The following DMD variants were observed in gnomAD, a reference collection of about 807,000 sequenced individuals.
DMD encodes the protein dystrophin, also known as mutant dystrophin.
DMD carries 63 observed loss-of-function variants against 330.1 expected under a neutral mutation model. The ratio of observed to expected loss-of-function variants is 0.19; its 90% CI spans 0.16 to 0.24. DMD has a LOEUF of 0.24. DMD is among the 10% of genes least tolerant of loss of function. The pLI, the probability that DMD is intolerant of heterozygous loss-of-function variation, is 1.00. For synonymous variants in DMD, 1,223 were observed against 959.8 expected (o/e 1.27, Z -5.07); for missense variants, 3,344 against 2,684.1 (o/e 1.25, Z -5.43).
chrX:33,320,667 A>G (rs2054002398), intron 1 of DMD, among the ~76,000 whole-genome samples: 1 of 111,993 alleles, frequency 8.9e-6, no homozygotes, highest in African/African-American at 3.2e-5. Flanking sequence ...GTAAAATAAG[A>G]CAACAATGAA....
intron 17 of DMD, among the ~76,000 whole-genome samples, chrX:32,537,563 A>G (rs758399635): frequency 7.1e-4 from 79 of 111,309 alleles, no homozygotes; most frequent in Non-Finnish European, 1.3e-3. Context: ...AGGGAAAAGA[A>G]CTGAAGAGTG....
At chrX:31,730,463 G>C (rs1341229442) in intron 51 of DMD, among the ~76,000 whole-genome samples, 3 of 111,502 alleles carry the variant, frequency 2.7e-5, no homozygotes, top group Non-Finnish European at 3.8e-5. Flanking sequence ...CTTTAATATA[G>C]CACTATTTTA....
At chrX:31,952,319 C>A (rs1479785743) in intron 45 of DMD, among the ~76,000 whole-genome samples, 1 of 111,145 alleles carries the variant, frequency 9.0e-6, no homozygotes, top group African/African-American at 3.3e-5. Flanking sequence ...TTTTCTGGAA[C>A]TCTTGTAACA....
chrX:33,172,714 T>C (rs2049422456), intron 1 of DMD, among the ~76,000 whole-genome samples: 1 of 112,117 alleles, frequency 8.9e-6, no homozygotes, highest in African/African-American at 3.2e-5. Context: ...TAGGAGGAAG[T>C]ATTTCACCAG....
intron 55 of DMD, among the ~76,000 whole-genome samples, chrX:31,610,896 G>A (rs2077876415): frequency 9.0e-6 from 1 of 111,235 alleles, no homozygotes; most frequent in South Asian, 3.8e-4. Context: ...GCCTTTAGGT[G>A]TCATCTGGCT....
chrX:31,920,767 G>A (rs1474825139), intron 47 of DMD, among the ~76,000 whole-genome samples: 2 of 111,643 alleles, frequency 1.8e-5, no homozygotes, highest in African/African-American at 3.3e-5. Context: ...AAGAATAGTC[G>A]AATTTGTTTT....
intron 52 of DMD, among the ~76,000 whole-genome samples, chrX:31,685,035 C>T (rs1374426913): frequency 8.9e-6 from 1 of 111,804 alleles, no homozygotes; most frequent in Non-Finnish European, 1.9e-5. Context: ...GGACTTTGAT[C>T]CTGCTTAAAG....
At chrX:33,012,434 G>A (rs762410015) in intron 2 of DMD, among the ~76,000 whole-genome samples, 7 of 111,710 alleles carry the variant, frequency 6.3e-5, no homozygotes, top group Non-Finnish European at 1.1e-4. Flanking sequence ...TTGTTTATGA[G>A]TAGTAGAAAT....
At chrX:31,209,854 T>G (rs1428905831) in intron 64 of DMD, among the ~76,000 whole-genome samples, 155 bp from the exon 65 acceptor site, 2 of 112,023 alleles carry the variant, frequency 1.8e-5, no homozygotes. Flanking sequence ...TTTATTTTTA[T>G]GCCTCGACTC....
chrX:31,272,136 G>A (rs753914733), intron 62 of DMD, among the ~76,000 whole-genome samples: 1 of 111,445 alleles, frequency 9.0e-6, no homozygotes, highest in Non-Finnish European at 1.9e-5. Flanking sequence ...AGATAAAGTC[G>A]AGCTCTGCTT....
intron 67 of DMD, among the ~76,000 whole-genome samples, chrX:31,194,843 G>A (rs757977876): frequency 9.0e-6 from 1 of 111,559 alleles, no homozygotes; most frequent in Non-Finnish European, 1.9e-5. Flanking sequence ...CCCAGGATTC[G>A]TTTTCTCTAA....
chrX:33,051,147 A>G (rs2094450864), intron 1 of DMD, among the ~76,000 whole-genome samples: 1 of 111,241 alleles, frequency 9.0e-6, no homozygotes, highest in African/African-American at 3.3e-5. Flanking sequence ...ATTTCTTTTT[A>G]AAACTAGATA....
At chrX:32,323,575 A>T (rs6653582) in intron 41 of DMD, among the ~76,000 whole-genome samples, 1 of 111,149 alleles carries the variant, frequency 9.0e-6, no homozygotes, top group African/African-American at 3.3e-5. Context: ...GAGTTGACTA[A>T]GTAAATCATC....
intron 2 of DMD, among the ~76,000 whole-genome samples, chrX:32,905,550 T>A (rs1367022893): frequency 9.0e-6 from 1 of 111,681 alleles, no homozygotes; most frequent in Admixed American, 9.6e-5. Flanking sequence ...GCCACTCTCT[T>A]GTCCCCTTGT....
At chrX:33,084,475 G>C (rs1194175746) in intron 1 of DMD, among the ~76,000 whole-genome samples, 1 of 111,853 alleles carries the variant, frequency 8.9e-6, no homozygotes, top group East Asian at 2.8e-4. Context: ...TTGGTGGGTC[G>C]GGGGAAGCCA....
At chrX:32,930,738 T>A (rs2089511064) in intron 2 of DMD, among the ~76,000 whole-genome samples, 1 of 110,229 alleles carries the variant, frequency 9.1e-6, no homozygotes. Flanking sequence ...ATTTGATAAA[T>A]CTTTACATGC....
At chrX:33,006,719 ATTCTTGTTCTTGAGGATAAATTT>A (rs1164430691) in intron 2 of DMD, among the ~76,000 whole-genome samples, 1 of 111,309 alleles carries the variant, frequency 9.0e-6, no homozygotes, top group South Asian at 3.8e-4. Flanking sequence ...AAATGTATTT[ATTCTTGTTCTTGAGGATAAATTT>A]TAGGAGTTGA....
intron 55 of DMD, among the ~76,000 whole-genome samples, chrX:31,606,007 A>T (rs1360992104): frequency 9.0e-6 from 1 of 111,698 alleles, no homozygotes; most frequent in East Asian, 2.8e-4. Flanking sequence ...CATAACCTCC[A>T]TAATCCCCAC....
intron 1 of DMD, among the ~76,000 whole-genome samples, chrX:33,057,274 T>C (rs1232866257): frequency 9.0e-6 from 1 of 111,713 alleles, no homozygotes; most frequent in East Asian, 2.8e-4. Context: ...GTCCATCTTG[T>C]TTAGAAAAGA....
Sources: allele counts gnomAD v4.1 joint callset (sites outside exome capture counted in the v4.1 genomes callset), GRCh38; gene constraint gnomAD v4.1.1; transcripts MANE v1.5; gene names NCBI Gene and HGNC (gene_info 2026-07-23, HGNC 2026-07-21).